Variants in UBL7 observed in about 807,000 individuals in gnomAD.
UBL7 encodes ubiquitin-like protein 7.
A neutral mutation model predicts 41.7 loss-of-function variants in UBL7; 21 were observed. That is an observed-to-expected ratio of 0.50 (90% CI 0.36 to 0.73). The LOEUF (loss-of-function observed/expected upper bound fraction) is 0.73. Ranked by LOEUF, UBL7 falls within the 30% of genes least tolerant of loss-of-function variation. The probability of loss-of-function intolerance (pLI) is 0.00; values close to 1 mark genes in which losing one functional copy is unlikely to be tolerated. For missense variants in UBL7, 403 were observed against 478.4 expected (o/e 0.84, Z 1.47); for synonymous variants, 157 against 186.9 (o/e 0.84, Z 1.31).
chr15:74,448,299 T>A (rs950413574), intron 10 of UBL7, among the ~76,000 whole-genome samples, 179 bp downstream of exon 10: 1 of 152,180 alleles, frequency 6.6e-6, no homozygotes, highest in African/African-American at 2.4e-5. Flanking sequence ...GTGACCACTG[T>A]GTATGGTCTG....
intron 3 of UBL7, among the ~76,000 whole-genome samples, chr15:74,455,917 G>T (rs2061289398): frequency 1.3e-5 from 2 of 152,174 alleles, no homozygotes; most frequent in Admixed American, 1.3e-4. Context: ...AAGGTCAGGA[G>T]ATCGAGACCA....
In UBL7 at chr15:74,449,668, G is replaced by A; in HGVS notation, c.672C>T (p.Phe224=). 2 of 1,614,084 alleles carry A rather than the reference G, an allele frequency of 1.2e-6. No individual in the cohort carries two copies. Among genetic ancestry groups the A allele is most frequent in the Admixed American group, 1.7e-5 (1 of 59,998 alleles). The part of the protein sequence containing the change: ...SSSYRDMPGG[F]LFEGLSDDED... Reference sequence around the variant, plus strand: ...CATCATCTGAGAGCCCTTCAAACAGGAAGCCACCTGGAGGAGGACGAACAG... The same window carrying A: ...CATCATCTGAGAGCCCTTCAAACAGAAAGCCACCTGGAGGAGGACGAACAG... The change falls in exon 8 of 11, where the codon TTC becomes TTT. Residue 224 remains phenylalanine (F), a synonymous_variant. Transcript: ENST00000395081.
Position 74,446,716 on chromosome 15 carries a change from G to A in UBL7, c.1006-489C>T, listed in dbSNP as rs527654994. On this transcript the variant is annotated intron_variant, in intron 10 of 10. Coordinates refer to ENST00000395081, the MANE Select transcript of UBL7 (RefSeq NM_032907.5). This position sits in a 1 kb window ranked among gnomAD's most constrained non-coding sequence, Gnocchi z 4.1. ...TAGTAGGTATATCTATTTGTGGACT[G>A]TAAGAGATGTTTTAAATTTTTCGCT... Among the ~76,000 whole-genome samples the A allele has an allele frequency of 1.4e-3, 220 of 152,260 alleles. 2 individuals carry two copies. Among genetic ancestry groups the A allele is most frequent in the African/African-American group, 4.7e-3 (196 of 41,542 alleles).
chr15:74,454,322 G>C (rs947580111), intron 3 of UBL7, among the ~76,000 whole-genome samples: 27 of 152,278 alleles, frequency 1.8e-4, no homozygotes, highest in Non-Finnish European at 3.7e-4. Flanking sequence ...TAAACAAGTT[G>C]GGTTTACTGC....
chr15:74,446,616 C>T lies in UBL7; in HGVS notation c.1006-389G>A, dbSNP rs947894664. Among the ~76,000 whole-genome samples the T allele has an allele frequency of 3.3e-5, 5 of 152,068 alleles. No homozygotes were observed. The highest frequency in any genetic ancestry group is 1.2e-4 in the African/African-American group (5 of 41,398). On this transcript the variant is annotated intron_variant, in intron 10 of 10. Coordinates refer to ENST00000395081, the MANE Select transcript of UBL7 (RefSeq NM_032907.5). The surrounding 1 kb of genome is among the most constrained non-coding windows in gnomAD (Gnocchi z 4.1). Reference sequence around the variant, plus strand: ...GTTTGTTAGCCTTTGGACTTTGCTTCGGTTTTTTGTTTGGTTTGGTTTGCC... The same window carrying T: ...GTTTGTTAGCCTTTGGACTTTGCTTTGGTTTTTTGTTTGGTTTGGTTTGCC...
At chr15:74,459,479 T>TC (rs894045133) in intron 1 of UBL7, among the ~76,000 whole-genome samples, 5 of 151,100 alleles carry the variant, frequency 3.3e-5, no homozygotes, top group African/African-American at 1.2e-4. Flanking sequence ...AGGCTAATTT[T>TC]TTTTTTTTTT....
In UBL7 at chr15:74,449,622, T is replaced by A. The variant is rs781596740; in HGVS notation, c.714+4A>T. 1.9e-6 allele frequency: 3 copies of A among 1,614,062 alleles called. No individual in the cohort carries two copies. Among genetic ancestry groups the A allele is most frequent in the South Asian group, 2.2e-5 (2 of 91,062 alleles). On this transcript the variant is annotated splice_donor_region_variant and intron_variant, in intron 8 of 10. Transcript: ENST00000395081. ...CATGTCAGGCAGGCAGGCAGGCCAC[T>A]TACTGGGTGAAAGTCATCCTCATCA... is the stretch of plus-strand genomic sequence containing the variant.
intron 10 of UBL7, among the ~76,000 whole-genome samples, chr15:74,447,066 G>C (rs1430952547): frequency 6.6e-6 from 1 of 152,220 alleles, no homozygotes; most frequent in African/African-American, 2.4e-5. Flanking sequence ...GGTGGAACCA[G>C]TGAAAGCTTC....
intron 10 of UBL7, among the ~76,000 whole-genome samples, chr15:74,447,958 C>T (rs938412399): frequency 6.6e-6 from 1 of 152,202 alleles, no homozygotes; most frequent in Non-Finnish European, 1.5e-5. Context: ...CCCTTCCTAC[C>T]TCAAACCCCC....
intron 5 of UBL7, 101 bp downstream of exon 5, chr15:74,451,335 A>G (rs1281194839): frequency 9.3e-7 from 1 of 1,079,254 alleles, no homozygotes; most frequent in Non-Finnish European, 1.4e-6. Flanking sequence ...AAGACCAGTC[A>G]TTCTTCAAAA....
At chr15:74,447,165 T>A (rs1375751162) in intron 10 of UBL7, among the ~76,000 whole-genome samples, 1 of 152,190 alleles carries the variant, frequency 6.6e-6, no homozygotes, top group Admixed American at 6.5e-5. Flanking sequence ...CTGCTTCTGT[T>A]CCCTCACTGT....
At chr15:74,450,692 G>T in intron 6 of UBL7, 110 bp downstream of exon 6, 3 of 1,178,040 alleles carry the variant, frequency 2.5e-6, no homozygotes, top group Non-Finnish European at 3.7e-6. Context: ...GGGTAGACTT[G>T]GTGACAGACT....
rs2061318352 is a variant in UBL7 at position 74,458,788 on chromosome 15, T to G, written c.80A>C (p.Glu27Ala). ...TAGCGAGTATTCTCCCAGTTCTGTC[T>G]CTGGCAACCGAAGAATAGACTTTGG... ...LTPKSILRLP[E>A]TELGEYSLGG... The change falls in exon 2 of 11, where the codon GAG (glutamate) becomes GCG (alanine). Residue 27 changes from glutamate to alanine, a missense_variant. Transcript: ENST00000395081. 6.2e-7 allele frequency: 1 copy of G among 1,613,960 alleles called. No homozygotes were observed. Among genetic ancestry groups the G allele is most frequent in the Non-Finnish European group, 8.5e-7 (1 of 1,180,036 alleles).
intron 10 of UBL7, 93 bp downstream of exon 10, chr15:74,448,385 C>T: frequency 6.4e-7 from 1 of 1,564,648 alleles, no homozygotes; most frequent in African/African-American, 1.4e-5. Context: ...TGAAGCATGC[C>T]AGGTGTGAAG....
chr15:74,449,943 A>T lies in UBL7; in HGVS notation c.657T>A (p.Asp219Glu). 1 of 1,611,656 alleles carries T rather than the reference A, an allele frequency of 6.2e-7. No homozygotes were observed. Among genetic ancestry groups the T allele is most frequent in the Non-Finnish European group, 8.5e-7 (1 of 1,179,102 alleles). The change falls in exon 7 of 11, where the codon GAT becomes GAA. Residue 219 changes from aspartate to glutamate, a missense_variant. Physicochemically the swap from Asp to Glu is conservative, Grantham distance 45 (BLOSUM62 2). Coordinates refer to ENST00000395081, the MANE Select transcript of UBL7 (RefSeq NM_032907.5). ...CACTTTTCAGGCGCTCACCTGGCAT[A>T]TCCCGGTATGAGCTGGAGGGCATGC... is the stretch of plus-strand genomic sequence containing the variant. ...SRSMPSSSYR[D>E]MPGGFLFEGL...
intron 1 of UBL7, among the ~76,000 whole-genome samples, chr15:74,460,201 C>A (rs546179183): frequency 3.5e-4 from 54 of 152,212 alleles, no homozygotes; most frequent in Admixed American, 3.3e-3. Context: ...GAGATAGCGC[C>A]ACTGCACTCC....
At chr15:74,457,099 A>C (rs1596220287) in intron 2 of UBL7, among the ~76,000 whole-genome samples, 1 of 152,244 alleles carries the variant, frequency 6.6e-6, no homozygotes, top group African/African-American at 2.4e-5. Context: ...GGCGTGAACC[A>C]CCATGCCTAG....
At chr15:74,451,564 T>G (rs374222625) in intron 4 of UBL7, 44 bp from the exon 5 acceptor site, 6 of 1,528,154 alleles carry the variant, frequency 3.9e-6, no homozygotes, top group African/African-American at 2.7e-5. Flanking sequence ...ACCAGCTCAA[T>G]GTACTCATCA....
chr15:74,458,845 A>T lies in UBL7; in HGVS notation c.23T>A (p.Leu8Gln). MSLSDWH[L>Q]AVKLADQPLT... ...TGGCTGGTCAGCCAGCTTCACCGCCAGGTGCCAGTCTGAGAGAGACATCCT... is the reference window on the plus strand; with the variant it reads ...TGGCTGGTCAGCCAGCTTCACCGCCTGGTGCCAGTCTGAGAGAGACATCCT... The change falls in exon 2 of 11, where the codon CTG (leucine) becomes CAG (glutamine). Residue 8 changes from leucine to glutamine, a missense_variant. Leu to Gln is a moderately radical substitution (Grantham distance 113). Coordinates refer to ENST00000395081, the MANE Select transcript of UBL7 (RefSeq NM_032907.5). 5 of 1,612,238 alleles carry T rather than the reference A, an allele frequency of 3.1e-6. No homozygotes were observed. The highest frequency in any genetic ancestry group is 4.2e-6 in the Non-Finnish European group (5 of 1,180,028).
Sources: gnomAD v4.1 joint callset for allele counts (sites outside exome capture counted in the v4.1 genomes callset) on GRCh38, gnomAD v4.1.1 for gene constraint, Gnocchi (gnomAD v3.1) non-coding constraint, MANE v1.5 for transcripts, NCBI Gene and HGNC (gene_info 2026-07-23, HGNC 2026-07-21) for gene names.